Variants in ATN1 observed in about 807,000 individuals in gnomAD.
ATN1 encodes the protein atrophin 1, also known as atrophin-1.
ATN1 carries 19 observed loss-of-function variants against 85.8 expected under a neutral mutation model. The ratio of observed to expected loss-of-function variants is 0.22; its 90% CI spans 0.15 to 0.32. The LOEUF is 0.32. Among genes scored for constraint, ATN1 ranks in the 10% least tolerant of loss-of-function variants. ATN1 has a pLI of 1.00. For missense variants in ATN1, 1,453 were observed against 1,564.5 expected, an observed-to-expected ratio of 0.93 and a Z score of 1.20; for synonymous variants, 674 against 657.0, an observed-to-expected ratio of 1.03 and a Z score of -0.39.
upstream of ATN1, among the ~76,000 whole-genome samples, chr12:6,927,828 C>A (rs782726740): frequency 6.6e-6 from 1 of 151,308 alleles, no homozygotes; most frequent in Non-Finnish European, 1.5e-5. Flanking sequence ...GCCGGACGCA[C>A]CGCCCAGCCC....
Position 6,935,026 on chromosome 12 carries a change from T to C in ATN1, c.279+448T>C, listed in dbSNP as rs781976192. Among the ~76,000 whole-genome samples the C allele has an allele frequency of 7.1e-4, 108 of 152,272 alleles. No individual in the cohort carries two copies. The highest frequency in any genetic ancestry group is 2.6e-3 in the African/African-American group (107 of 41,544). On this transcript the variant is annotated intron_variant, in intron 4 of 9. Transcript: ENST00000396684. This position sits in a 1 kb window ranked among gnomAD's most constrained non-coding sequence, Gnocchi z 5.3. The stretch of plus-strand genomic sequence containing the variant: ...CCTCAGCCTCCCGAGTGGCTGGGAT[T>C]ATAGGCATGAGCCACCATGCCCGGC...
In ATN1 at chr12:6,939,146, GCA is replaced by G; in HGVS notation, c.3185_3186del (p.His1062ProfsTer19). The G allele has an allele frequency of 6.3e-7, 1 of 1,599,492 alleles. No homozygotes were observed. Among genetic ancestry groups the G allele is most frequent in the Admixed American group, 1.7e-5 (1 of 60,006 alleles). The part of the protein sequence containing the change: ...HQHSHIHSHL[H>X]LHQQDAIHAA... ...AGCACTCCCACATCCACTCGCACCT[GCA>G]CCTGCACCAGCAAGATGCTATCCAT... is the stretch of plus-strand genomic sequence containing the variant. On this transcript the variant is annotated frameshift_variant, in exon 7 of 10. Transcript: ENST00000396684. LOFTEE classifies it high-confidence loss of function.
At chr12:6,929,974 G>C (rs1945440410) in intron 1 of ATN1, among the ~76,000 whole-genome samples, 2 of 152,186 alleles carry the variant, frequency 1.3e-5, no homozygotes, top group South Asian at 4.1e-4. Context: ...TGACCTTGTA[G>C]AAATGGCTGG....
chr12:6,940,971 C>T lies in ATN1; in HGVS notation c.3306C>T (p.Pro1102=), dbSNP rs782632102. The T allele has an allele frequency of 6.8e-6, 11 of 1,614,224 alleles. No homozygotes were observed. In the South Asian group the frequency reaches 1.2e-4, roughly 18 times the overall value. The change falls in exon 8 of 10, where the codon CCC becomes CCT. Residue 1102 remains proline, a synonymous_variant. Coordinates refer to ENST00000396684, the MANE Select transcript of ATN1 (RefSeq NM_001940.4). ...IPYPAGTLPN[P]LLPHPLHENE... Reference sequence around the variant, plus strand: ...ACCCAGCTGGAACTCTCCCTAACCCCCTGCTTCCTCACCCTCTGCACGAGA... The same window carrying T: ...ACCCAGCTGGAACTCTCCCTAACCCTCTGCTTCCTCACCCTCTGCACGAGA...
chr12:6,934,080 GA>G lies in ATN1; in HGVS notation c.27+53del. On this transcript the variant is annotated intron_variant, in intron 2 of 9. Transcript: ENST00000396684. This position sits in a 1 kb window ranked among gnomAD's most constrained non-coding sequence, Gnocchi z 4.5. ...ATGAGGGGCGGGGCAGGCAAGCTAG[GA>G]GGAAGGGTCTAGAGAAGAAGAACAA... 1 of 1,612,146 alleles carries G rather than the reference GA, an allele frequency of 6.2e-7. No individual in the cohort carries two copies. Among genetic ancestry groups the G allele is most frequent in the Non-Finnish European group, 8.5e-7 (1 of 1,178,978 alleles).
At chr12:6,926,550 C>A (rs1555142598), upstream of ATN1, among the ~76,000 whole-genome samples, 1 of 151,728 alleles carries the variant, frequency 6.6e-6, no homozygotes, top group East Asian at 1.9e-4. Flanking sequence ...TCTCTGCTTG[C>A]TGAAACCTTT....
At chr12:6,938,395 G>T in intron 6 of ATN1, 86 bp from the exon 7 acceptor site, 1 of 1,464,398 alleles carries the variant, frequency 6.8e-7, no homozygotes, top group South Asian at 1.4e-5. Context: ...TTTGGCATTC[G>T]GCTGTCGAAA....
chr12:6,933,730 GC>G, intron 1 of ATN1, 109 bp from the exon 2 acceptor site: 1 of 555,902 alleles, frequency 1.8e-6, no homozygotes, highest in Admixed American at 3.1e-5. Flanking sequence ...GTACCTCTTG[GC>G]CCAAAGGCTT....
chr12:6,938,360 G>T, intron 6 of ATN1, 121 bp from the exon 7 acceptor site: 11 of 1,389,110 alleles, frequency 7.9e-6, no homozygotes, highest in Non-Finnish European at 9.5e-6. Flanking sequence ...TTCCAGGTGG[G>T]CAGAGTTTCA....
At position 6,937,692 on chromosome 12, in the gene ATN1, C is replaced by T; in HGVS notation, c.2294+131C>T. 1 of 1,435,494 alleles carries T rather than the reference C, an allele frequency of 7.0e-7. No homozygotes were observed. The highest frequency in any genetic ancestry group is 9.1e-7 in the Non-Finnish European group (1 of 1,094,560). 88.9% of individuals were successfully genotyped at this position (1,435,494 alleles called of 1,614,324 possible). A position where few individuals can be genotyped will look rare whatever the true frequency, so the allele number is the denominator to read the frequency against. On this transcript the variant is annotated intron_variant, in intron 5 of 9. Transcript: ENST00000396684. This position sits in a 1 kb window ranked among gnomAD's most constrained non-coding sequence, Gnocchi z 6.0. ...AGAAAAGCACGCCCCTCTCCTCCGT[C>T]CAGGCCTAGTGGCCAGTGAGGCCCG... is the stretch of plus-strand genomic sequence containing the variant.
In ATN1 at chr12:6,937,855, C is replaced by T. The variant is rs1322992130; in HGVS notation, c.2305C>T (p.His769Tyr). 1.3e-6 allele frequency: 2 copies of T among 1,577,212 alleles called. No individual in the cohort carries two copies. Among genetic ancestry groups the T allele is most frequent in the Non-Finnish European group, 1.7e-6 (2 of 1,162,608 alleles). ...TTCCACGCCCGGCAGGTTCAACAAA[C>T]ACCTGGATCGCGGCTTCAACTCGTG... ...HASQSARFNK[H>Y]LDRGFNSCAR... The change falls in exon 6 of 10, where the codon CAC becomes TAC. Residue 769 changes from histidine (H) to tyrosine (Y), a missense_variant. Transcript: ENST00000396684. The surrounding 1 kb of genome is among the most constrained non-coding windows in gnomAD (Gnocchi z 6.0).
Position 6,937,336 on chromosome 12 carries a change from C to T in ATN1, c.2069C>T (p.Pro690Leu). Residue 690 changes from proline (P) to leucine (L), a missense_variant, in exon 5 of 10, where the codon CCC becomes CTC. By Grantham distance (98) the Pro-to-Leu change is moderately conservative (BLOSUM62 -3). Transcript: ENST00000396684. This position sits in a 1 kb window ranked among gnomAD's most constrained non-coding sequence, Gnocchi z 6.0. ...AGPGTFKPGS[P>L]TVGPGPLPPA... Reference sequence around the variant, plus strand: ...CCAGGGACCTTCAAGCCGGGCTCGCCCACCGTGGGACCTGGGCCCCTGCCA... The same window carrying T: ...CCAGGGACCTTCAAGCCGGGCTCGCTCACCGTGGGACCTGGGCCCCTGCCA... 1 of 1,558,432 alleles carries T rather than the reference C, an allele frequency of 6.4e-7. No individual in the cohort carries two copies. Among genetic ancestry groups the T allele is most frequent in the Non-Finnish European group, 8.7e-7 (1 of 1,152,838 alleles).
intron 1 of ATN1, among the ~76,000 whole-genome samples, chr12:6,931,422 A>G (rs1945462441): frequency 6.7e-6 from 1 of 150,170 alleles, no homozygotes; most frequent in South Asian, 2.1e-4. Flanking sequence ...AAAAAAAAAA[A>G]AAAAAAAAAG....
intron 1 of ATN1, among the ~76,000 whole-genome samples, 173 bp from the exon 2 acceptor site, chr12:6,933,667 T>C (rs1238417132): frequency 6.6e-6 from 1 of 152,202 alleles, no homozygotes; most frequent in African/African-American, 2.4e-5. Context: ...CTGCCTCCCT[T>C]TTAGATAGCT....
At position 6,937,486 on chromosome 12, in the gene ATN1, C is replaced by T; in HGVS notation, c.2219C>T (p.Pro740Leu). Residue 740 changes from proline to leucine, a missense_variant, in exon 5 of 10, where the codon CCG becomes CTG. By Grantham distance (98) the Pro-to-Leu change is moderately conservative. Transcript: ENST00000396684. The surrounding 1 kb of genome is among the most constrained non-coding windows in gnomAD (Gnocchi z 6.0). ...PAEEYETPES[P>L]VPPARSPSPP... ...GAGGAGTATGAGACCCCCGAGAGCCCGGTGCCCCCAGCCCGCAGCCCCTCG... is the reference window on the plus strand; with the variant it reads ...GAGGAGTATGAGACCCCCGAGAGCCTGGTGCCCCCAGCCCGCAGCCCCTCG... The T allele has an allele frequency of 1.9e-6, 3 of 1,545,870 alleles. No homozygotes were observed. The South Asian group carries it at 3.6e-5, about 18-fold the overall frequency.
At position 6,928,029 on chromosome 12, in the gene ATN1, G is replaced by A. The variant is rs1945416328; in HGVS notation, c.-518G>A. Among the ~76,000 whole-genome samples, 1 of 144,886 alleles carries A rather than the reference G, an allele frequency of 6.9e-6. No homozygotes were observed. The highest frequency in any genetic ancestry group is 2.1e-4 in the South Asian group (1 of 4,768). ...GCTAGGCGGGCGCGGGCGGCGGCGG[G>A]TCGGAACCGCGCCGAGGGCCGGGCG... is the stretch of plus-strand genomic sequence containing the variant. On this transcript the variant is annotated 5_prime_UTR_variant, in exon 1 of 10. Transcript: ENST00000396684.
At position 6,941,824 on chromosome 12, in the gene ATN1, G is replaced by A. The variant is rs1555144736; in HGVS notation, c.*44G>A. 2.5e-6 allele frequency: 4 copies of A among 1,606,208 alleles called. No homozygotes were observed. In the Admixed American group the frequency reaches 6.7e-5, roughly 27 times the overall value. On this transcript the variant is annotated 3_prime_UTR_variant, in exon 10 of 10. Transcript: ENST00000396684. This position sits in a 1 kb window ranked among gnomAD's most constrained non-coding sequence, Gnocchi z 5.9. Reference sequence around the variant, plus strand: ...CACCATGGCTCCTACATTGGACCTTGGAGCACCCCCACCCTCCCCCCACCG... The same window carrying A: ...CACCATGGCTCCTACATTGGACCTTAGAGCACCCCCACCCTCCCCCCACCG...
intron 1 of ATN1, 52 bp downstream of exon 1, chr12:6,928,436 G>A (rs1382846487): frequency 6.6e-6 from 1 of 152,060 alleles, no homozygotes; most frequent in Non-Finnish European, 1.5e-5. Context: ...TGTCCCGCCC[G>A]GGCTCCGGCC....
rs782380599 is a variant in ATN1 at position 6,936,736 on chromosome 12, AGCAGCAGCAG to A, written c.1470_1479del (p.Gln490HisfsTer47). 4.8e-6 allele frequency: 4 copies of A among 840,050 alleles called. No individual in the cohort carries two copies. In the South Asian group the frequency reaches 8.2e-5, roughly 17 times the overall value. The allele number at this position is 840,050 out of a possible 1,614,324, so 52.0% of individuals were successfully genotyped here. On this transcript the variant is annotated frameshift_variant, in exon 5 of 10. Transcript: ENST00000396684. LOFTEE classifies it high-confidence loss of function. ...CACCACCAGCAACAGCAACAGCAGC[AGCAGCAGCAG>A]CAGCAGCAGCAGCAGCAGCAGCAGC...
Sources: gnomAD v4.1 joint callset for allele counts (sites outside exome capture counted in the v4.1 genomes callset) on GRCh38, gnomAD v4.1.1 for gene constraint, Gnocchi (gnomAD v3.1) non-coding constraint, MANE v1.5 for transcripts, NCBI Gene and HGNC (gene_info 2026-07-23, HGNC 2026-07-21) for gene names.